DNAAF10: variants seen among roughly 807,000 people sequenced by gnomAD.
The protein encoded by DNAAF10 is dynein axonemal assembly factor 10.
A neutral mutation model predicts 43.7 loss-of-function variants in DNAAF10; 28 were observed. That is an observed-to-expected ratio of 0.64 (90% CI 0.48 to 0.88). DNAAF10 has a LOEUF of 0.88. DNAAF10 is among the 40% of genes least tolerant of loss of function. The pLI, the probability that DNAAF10 is intolerant of heterozygous loss-of-function variation, is 0.00. For missense variants in DNAAF10, 403 were observed against 439.1 expected (o/e 0.92, Z 0.73); for synonymous variants, 156 against 157.3 (o/e 0.99, Z 0.06).
intron 1 of DNAAF10, among the ~76,000 whole-genome samples, chr2:68,148,047 T>C (rs1043458219): frequency 6.6e-6 from 1 of 152,210 alleles, no homozygotes; most frequent in Non-Finnish European, 1.5e-5. Context: ...TATAAACTTG[T>C]GTGTACCAAG....
chr2:68,143,647 A>G (rs987584932), intron 3 of DNAAF10, among the ~76,000 whole-genome samples: 1 of 152,252 alleles, frequency 6.6e-6, no homozygotes, highest in Non-Finnish European at 1.5e-5. Context: ...ATGGAATATT[A>G]TATAGTCATT....
Position 68,134,684 on chromosome 2 carries a change from G to T in DNAAF10, c.866+18C>A. 6.2e-7 allele frequency: 1 copy of T among 1,606,658 alleles called. No homozygotes were observed. Among genetic ancestry groups the T allele is most frequent in the Admixed American group, 1.7e-5 (1 of 57,620 alleles). ...CACAGGTAACTTTAAAAGGAGCAGT[G>T]TGCACTGGCAGACTTACTACTTCCA... On this transcript the variant is annotated intron_variant, in intron 7 of 7. Coordinates refer to ENST00000295121, the MANE Select transcript of DNAAF10 (RefSeq NM_138458.4).
Position 68,130,115 on chromosome 2 carries a change from G to GAGATATATATAT in DNAAF10, c.*1122_*1123insATATATATATCT, listed in dbSNP as rs1453152500. ...CAACCGTGCCGTTTTGAGAGAGAGA[G>GAGATATATATAT]ATATATATATATATATTTGTTTTTT... On this transcript the variant is annotated 3_prime_UTR_variant, in exon 8 of 8. Transcript: ENST00000295121. 2 of 132,946 alleles carry GAGATATATATAT rather than the reference G, an allele frequency of 1.5e-5. No individual in the cohort carries two copies. Among genetic ancestry groups the GAGATATATATAT allele is most frequent in the African/African-American group, 5.8e-5 (2 of 34,262 alleles). 8.2% of individuals were successfully genotyped at this position (132,946 alleles called of 1,614,324 possible). A position where few individuals can be genotyped will look rare whatever the true frequency, so the allele number is the denominator to read the frequency against.
intron 7 of DNAAF10, 22 bp downstream of exon 7, chr2:68,134,680 C>A: frequency 6.9e-6 from 11 of 1,601,594 alleles, no homozygotes; most frequent in Non-Finnish European, 9.3e-6. Context: ...TTAAAAGGAG[C>A]AGTGTGCACT....
chr2:68,149,319 C>T (rs534924931), intron 1 of DNAAF10, among the ~76,000 whole-genome samples: 5 of 152,254 alleles, frequency 3.3e-5, no homozygotes, highest in Admixed American at 6.5e-5. Flanking sequence ...GGAGTTACTA[C>T]GTGGCCAAGT....
At chr2:68,137,192 C>T (rs1673064267) in intron 6 of DNAAF10, 107 bp downstream of exon 6, 1 of 1,278,086 alleles carries the variant, frequency 7.8e-7, no homozygotes, top group Non-Finnish European at 1.0e-6. Context: ...TCAAAAATAG[C>T]TCCCTTCACA....
At position 68,157,273 on chromosome 2, in the gene DNAAF10, C is replaced by T; in HGVS notation, c.171G>A (p.Lys57=). 1 of 1,613,616 alleles carries T rather than the reference C, an allele frequency of 6.2e-7. No homozygotes were observed. The highest frequency in any genetic ancestry group is 8.5e-7 in the Non-Finnish European group (1 of 1,179,702). The change falls in exon 1 of 8, where the codon AAG becomes AAA. Residue 57 remains lysine (K), a synonymous_variant. Transcript: ENST00000295121. ...QLYEIQHGDL[K]LLREIEKAKP... Reference sequence around the variant, plus strand: ...ACCCGGCACCCACCTCCCGAAGCAGCTTCAGGTCCCCGTGCTGGATCTCGT... The same window carrying T: ...ACCCGGCACCCACCTCCCGAAGCAGTTTCAGGTCCCCGTGCTGGATCTCGT...
chr2:68,140,977 G>A (rs1018574319), intron 4 of DNAAF10, among the ~76,000 whole-genome samples: 8 of 152,116 alleles, frequency 5.3e-5, no homozygotes, highest in African/African-American at 1.4e-4. Context: ...GTATACGGGA[G>A]GATGTGTTAA....
chr2:68,157,385 G>A lies in DNAAF10; in HGVS notation c.59C>T (p.Thr20Met). ...GGGCACCCACTTACAGTCAAACACC[G>A]TGTAGTTGAAGCCCTTCTGGATATG... Reference protein sequence around the residue: ...IAHIQKGFNYTVFDCKWVPCS... With the variant: ...IAHIQKGFNYMVFDCKWVPCS... Residue 20 changes from threonine to methionine, a missense_variant, in exon 1 of 8, where the codon ACG becomes ATG. Transcript: ENST00000295121. The A allele has an allele frequency of 1.2e-6, 2 of 1,614,194 alleles. No homozygotes were observed. Among genetic ancestry groups the A allele is most frequent in the Non-Finnish European group, 1.7e-6 (2 of 1,180,042 alleles).
intron 3 of DNAAF10, among the ~76,000 whole-genome samples, chr2:68,142,209 T>C (rs1309658122): frequency 1.3e-5 from 2 of 152,228 alleles, no homozygotes; most frequent in African/African-American, 4.8e-5. Flanking sequence ...ACACTCTAAT[T>C]TTGAATTAAT....
In DNAAF10 at chr2:68,147,584, A is replaced by T; in HGVS notation, c.184-17T>A. The stretch of plus-strand genomic sequence containing the variant: ...CTTTTCAATCTTCATAGAAGGGAGG[A>T]AGAGAGGATATATTATTTATGTAAG... On this transcript the variant is annotated splice_polypyrimidine_tract_variant and intron_variant, in intron 1 of 7. Transcript: ENST00000295121. 1 of 1,558,610 alleles carries T rather than the reference A, an allele frequency of 6.4e-7. No homozygotes were observed. The highest frequency in any genetic ancestry group is 8.8e-7 in the Non-Finnish European group (1 of 1,139,714).
chr2:68,152,006 A>G (rs1174234367), intron 1 of DNAAF10, among the ~76,000 whole-genome samples: 1 of 152,240 alleles, frequency 6.6e-6, no homozygotes, highest in Non-Finnish European at 1.5e-5. Context: ...GCTTATATGT[A>G]AATCAATTAA....
At position 68,134,702 on chromosome 2, in the gene DNAAF10, T is replaced by C; in HGVS notation, c.866A>G (p.Tyr289Cys). 1 of 1,610,026 alleles carries C rather than the reference T, an allele frequency of 6.2e-7. No homozygotes were observed. The highest frequency in any genetic ancestry group is 8.5e-7 in the Non-Finnish European group (1 of 1,179,024). ...GGAGGLHLWK[Y>C]EYPIQRSKKD... ...GAGCAGTGTGCACTGGCAGACTTAC[T>C]ACTTCCAGAGGTGAAGGCCGCCGGC... The change falls in exon 7 of 8, where the codon TAT becomes TGT. Residue 289 changes from tyrosine to cysteine, a missense_variant and splice_region_variant. Physicochemically the swap from Tyr to Cys is radical, Grantham distance 194. Transcript: ENST00000295121.
chr2:68,136,850 A>T (rs1673055546), intron 6 of DNAAF10, among the ~76,000 whole-genome samples: 1 of 152,032 alleles, frequency 6.6e-6, no homozygotes. Flanking sequence ...ATTTACTATA[A>T]TCACAGTACT....
In DNAAF10 at chr2:68,137,475, T is replaced by C. The variant is rs200890306; in HGVS notation, c.634-42A>G. 1,467 of 1,568,284 alleles carry C rather than the reference T, an allele frequency of 9.4e-4. 20 individuals carry two copies. The South Asian group carries it at 0.017, about 18-fold the overall frequency. The stretch of plus-strand genomic sequence containing the variant: ...CTTATTATTGGTAGTCTCACCAGTA[T>C]TACTCAGGAGGCTCTTTTATACTAA... On this transcript the variant is annotated intron_variant, in intron 5 of 7. Coordinates refer to ENST00000295121, the MANE Select transcript of DNAAF10 (RefSeq NM_138458.4).
At chr2:68,151,571 ATTTTT>A (rs951853503) in intron 1 of DNAAF10, among the ~76,000 whole-genome samples, 1 of 152,156 alleles carries the variant, frequency 6.6e-6, no homozygotes, top group Non-Finnish European at 1.5e-5. Flanking sequence ...GCCTTGCCTA[ATTTTT>A]TTAACGCATA....
In DNAAF10 at chr2:68,131,371, A is replaced by C; in HGVS notation, c.941T>G (p.Leu314Arg). The C allele has an allele frequency of 6.2e-7, 1 of 1,614,240 alleles. No homozygotes were observed. Among genetic ancestry groups the C allele is most frequent in the Non-Finnish European group, 8.5e-7 (1 of 1,180,036 alleles). ...EMGVAGSVSL[L>R]QNVTLSTQPI... ...CTGGGTGGACAACGTAACATTCTGC[A>C]GAAGGCTTACAGAACCTGCGACTCC... Residue 314 changes from leucine to arginine, a missense_variant, in exon 8 of 8, where the codon CTG becomes CGG. Transcript: ENST00000295121.
At chr2:68,155,963 C>A (rs1205810472) in intron 1 of DNAAF10, among the ~76,000 whole-genome samples, 2 of 151,542 alleles carry the variant, frequency 1.3e-5, no homozygotes, top group African/African-American at 4.8e-5. Flanking sequence ...ATAAAAAGTA[C>A]AAAAAAATTA....
At position 68,144,674 on chromosome 2, in the gene DNAAF10, C is replaced by T; in HGVS notation, c.326G>A (p.Gly109Asp). ...TATGGCATTTATAATTTCTTTATGG[C>T]CCTTTACAGAATATACTGGCATCTC... ...APEMPVYSVK[G>D]HKEIINAIDG... The change falls in exon 3 of 8, where the codon GGC (glycine) becomes GAC (aspartate). Residue 109 changes from glycine (G) to aspartate (D), a missense_variant. By Grantham distance (94) the Gly-to-Asp change is moderately conservative. Coordinates refer to ENST00000295121, the MANE Select transcript of DNAAF10 (RefSeq NM_138458.4). The T allele has an allele frequency of 6.2e-7, 1 of 1,613,850 alleles. No individual in the cohort carries two copies. Among genetic ancestry groups the T allele is most frequent in the Non-Finnish European group, 8.5e-7 (1 of 1,179,982 alleles).
Sources: allele counts gnomAD v4.1 joint callset (sites outside exome capture counted in the v4.1 genomes callset), GRCh38; gene constraint gnomAD v4.1.1; transcripts MANE v1.5; gene names NCBI Gene and HGNC (gene_info 2026-07-23, HGNC 2026-07-21).